ZNF782: variants seen among roughly 807,000 people sequenced by gnomAD.
ZNF782 encodes zinc finger protein 782.
Under a neutral mutation model 13.0 loss-of-function variants are expected in ZNF782, and 12 were observed. The observed-to-expected ratio is 0.92, with a 90% confidence interval of 0.59 to 1.50. The LOEUF is 1.50. ZNF782 is among the 40% of genes most tolerant of loss of function. ZNF782 has a pLI of 0.00. For missense variants in ZNF782, 770 were observed against 822.9 expected, an observed-to-expected ratio of 0.94 and a Z score of 0.79; for synonymous variants, 284 against 283.0, an observed-to-expected ratio of 1.00 and a Z score of -0.04.
intron 2 of ZNF782, among the ~76,000 whole-genome samples, chr9:96,852,291 C>T (rs1851517664): frequency 6.6e-6 from 1 of 152,170 alleles, no homozygotes; most frequent in Admixed American, 6.5e-5. Flanking sequence ...AAAATAAAGA[C>T]AATACAGGAT....
chr9:96,835,186 C>T (rs562532089), intron 4 of ZNF782, among the ~76,000 whole-genome samples: 1 of 152,180 alleles, frequency 6.6e-6, no homozygotes, highest in Non-Finnish European at 1.5e-5. Flanking sequence ...ACCTTCTAGG[C>T]AGCAAAGTGC....
the ZNF782 span, among the ~76,000 whole-genome samples, chr9:96,912,076 C>T: frequency 6.6e-6 from 1 of 150,576 alleles, no homozygotes; most frequent in Non-Finnish European, 1.5e-5. Flanking sequence ...TGGCTCATGC[C>T]TGTAATCCCA....
the ZNF782 span, among the ~76,000 whole-genome samples, chr9:96,899,423 G>A: frequency 3.0e-3 from 463 of 152,116 alleles, 1 homozygote; most frequent in Non-Finnish European, 5.5e-3. Flanking sequence ...TCTTTTTGTT[G>A]TTTAGTTGTA....
chr9:96,912,166 C>A, the ZNF782 span, among the ~76,000 whole-genome samples: 1 of 137,650 alleles, frequency 7.3e-6, no homozygotes. Context: ...CGCCATCGCA[C>A]TGCAGCTTGG....
At chr9:96,851,336 A>G (rs534446222) in intron 3 of ZNF782, among the ~76,000 whole-genome samples, 5 of 152,312 alleles carry the variant, frequency 3.3e-5, no homozygotes, top group African/African-American at 1.2e-4. Flanking sequence ...AAATCTTCAC[A>G]CAAAAAGTCT....
the ZNF782 span, among the ~76,000 whole-genome samples, chr9:96,915,127 CTGA>C: frequency 3.8e-3 from 584 of 151,890 alleles, 7 homozygotes; most frequent in Non-Finnish European, 3.7e-3. Flanking sequence ...TTTGTTCAAC[CTGA>C]TTCTACCCCT....
chr9:96,925,701 C>G, the ZNF782 span, among the ~76,000 whole-genome samples: 2 of 149,064 alleles, frequency 1.3e-5, no homozygotes, highest in Admixed American at 1.3e-4. Flanking sequence ...TCAGAACAAA[C>G]TTTCATCATC....
intron 1 of ZNF782, among the ~76,000 whole-genome samples, chr9:96,861,908 G>T (rs1206573951): frequency 6.6e-6 from 1 of 152,094 alleles, no homozygotes; most frequent in Non-Finnish European, 1.5e-5. Context: ...CCCACTGCTG[G>T]GTATATACCT....
the ZNF782 span, chr9:96,893,925 G>A: frequency 7.0e-6 from 1 of 141,878 alleles, no homozygotes; most frequent in Non-Finnish European, 1.5e-5. Context: ...CCGTGAACCC[G>A]GGAGGCGGAG....
At chr9:96,840,798 G>A (rs533780110) in intron 4 of ZNF782, among the ~76,000 whole-genome samples, 76 of 152,072 alleles carry the variant, frequency 5.0e-4, no homozygotes, top group Non-Finnish European at 9.1e-4. Flanking sequence ...AAATGTGTAC[G>A]TTAGAAAAGA....
Position 96,819,844 on chromosome 9 carries a change from A to ATG in ZNF782, c.245-68_245-67dup. ...ACATTTCTTATGGAATGGGACATAT[A>ATG]TGTATATATATGCCCTATTATGTAT... On this transcript the variant is annotated intron_variant, in intron 5 of 5. Transcript: ENST00000481138. The ATG allele has an allele frequency of 2.4e-6, 3 of 1,267,414 alleles. No individual in the cohort carries two copies. The East Asian group carries it at 7.8e-5, about 33-fold the overall frequency. The allele number at this position is 1,267,414 out of a possible 1,614,324, so 78.5% of individuals were successfully genotyped here.
chr9:96,858,777 AGCCTGATG>A (rs1851672794), upstream of ZNF782, among the ~76,000 whole-genome samples: 1 of 152,198 alleles, frequency 6.6e-6, no homozygotes, highest in South Asian at 2.1e-4. This position sits in a 1 kb window ranked among gnomAD's most constrained non-coding sequence, Gnocchi z 4.4. Flanking sequence ...ACAGAAGTGG[AGCCTGATG>A]GCTAAGTAGA....
At chr9:96,915,984 T>C in the ZNF782 span, among the ~76,000 whole-genome samples, 1 of 150,840 alleles carries the variant, frequency 6.6e-6, no homozygotes, top group African/African-American at 2.4e-5. Context: ...GTCCCTTGCA[T>C]TGGAGAAGTT....
At chr9:96,917,929 T>TGTGTGTGTGTGTGTGTTTC in the ZNF782 span, among the ~76,000 whole-genome samples, 1 of 147,630 alleles carries the variant, frequency 6.8e-6, no homozygotes, top group African/African-American at 2.6e-5. Context: ...TGTGTGTGTG[T>TGTGTGTGTGTGTGTGTTTC]AGATGGGGGT....
chr9:96,902,299 C>T, the ZNF782 span, among the ~76,000 whole-genome samples: 2 of 146,542 alleles, frequency 1.4e-5, no homozygotes, highest in Non-Finnish European at 3.0e-5. Flanking sequence ...TGGCAAACAC[C>T]TATAATCCCA....
At chr9:96,838,900 G>C (rs1019884213) in intron 4 of ZNF782, among the ~76,000 whole-genome samples, 3 of 152,040 alleles carry the variant, frequency 2.0e-5, no homozygotes, top group African/African-American at 4.8e-5. Flanking sequence ...ATTTTTAGTA[G>C]AGATGGGGTT....
At chr9:96,856,188 C>G (rs763421797), upstream of ZNF782, among the ~76,000 whole-genome samples, 14 of 152,038 alleles carry the variant, frequency 9.2e-5, no homozygotes, top group Non-Finnish European at 2.1e-4. Flanking sequence ...AGATTTTCTC[C>G]CACTCTCTGG....
At chr9:96,824,547 C>T (rs1193115691) in intron 5 of ZNF782, among the ~76,000 whole-genome samples, 2 of 151,114 alleles carry the variant, frequency 1.3e-5, no homozygotes, top group African/African-American at 4.9e-5. Flanking sequence ...GTTGGAAGTT[C>T]TGGCCAGGGC....
the ZNF782 span, among the ~76,000 whole-genome samples, chr9:96,898,944 A>G: frequency 6.7e-6 from 1 of 148,176 alleles, no homozygotes; most frequent in Non-Finnish European, 1.5e-5. Flanking sequence ...GACAACCGTC[A>G]CCACTGTCCA....
Sources: gnomAD v4.1 joint callset for allele counts (sites outside exome capture counted in the v4.1 genomes callset) on GRCh38, gnomAD v4.1.1 for gene constraint, Gnocchi (gnomAD v3.1) non-coding constraint, MANE v1.5 for transcripts, NCBI Gene and HGNC (gene_info 2026-07-23, HGNC 2026-07-21) for gene names.